FRMD4A: variants seen among roughly 807,000 people sequenced by gnomAD.
FRMD4A encodes FERM domain containing 4A.
Under a neutral mutation model 129.1 loss-of-function variants are expected in FRMD4A, and 29 were observed. The ratio of observed to expected loss-of-function variants is 0.22; its 90% CI spans 0.17 to 0.31. The LOEUF (loss-of-function observed/expected upper bound fraction) is 0.31. FRMD4A is among the 10% of genes least tolerant of loss of function. The pLI is 1.00. For synonymous variants in FRMD4A, 634 were observed against 571.6 expected (o/e 1.11, Z -1.56); for missense variants, 1,272 against 1,375.8 (o/e 0.92, Z 1.19).
At chr10:14,266,785 CTA>C (rs1469746916) in intron 2 of FRMD4A, among the ~76,000 whole-genome samples, 31 of 152,186 alleles carry the variant, frequency 2.0e-4, no homozygotes, top group Admixed American at 1.7e-3. Context: ...GTTAATTATA[CTA>C]TTATAAATTA....
chr10:13,699,651 AGGGGAACT>A (rs1482524136), intron 14 of FRMD4A, among the ~76,000 whole-genome samples: 1 of 152,106 alleles, frequency 6.6e-6, no homozygotes, highest in Non-Finnish European at 1.5e-5. Context: ...TCTGCCGTCA[AGGGGAACT>A]GGCAGTGGGG....
intron 3 of FRMD4A, among the ~76,000 whole-genome samples, chr10:13,826,394 T>A (rs1047017128): frequency 2.0e-5 from 3 of 152,210 alleles, no homozygotes; most frequent in Non-Finnish European, 4.4e-5. Flanking sequence ...CACAGCATAC[T>A]TTCTTATTCC....
intron 5 of FRMD4A, among the ~76,000 whole-genome samples, chr10:13,784,854 G>A (rs2092816286): frequency 6.6e-6 from 1 of 152,092 alleles, no homozygotes; most frequent in African/African-American, 2.4e-5. Flanking sequence ...AGCCAGGGGT[G>A]GGTGTGGGTG....
At chr10:14,302,958 G>A (rs1846232591) in intron 2 of FRMD4A, among the ~76,000 whole-genome samples, 1 of 152,136 alleles carries the variant, frequency 6.6e-6, no homozygotes, top group African/African-American at 2.4e-5. Context: ...TGATCTTGGA[G>A]GAGCAGTGGG....
At chr10:14,090,644 C>T (rs1422200760) in intron 2 of FRMD4A, among the ~76,000 whole-genome samples, 2 of 152,154 alleles carry the variant, frequency 1.3e-5, no homozygotes, top group Non-Finnish European at 2.9e-5. Context: ...AACCATACAG[C>T]AATGAGGCCT....
intron 2 of FRMD4A, among the ~76,000 whole-genome samples, chr10:13,994,732 A>T (rs2095616449): frequency 6.6e-6 from 1 of 152,244 alleles, no homozygotes; most frequent in African/African-American, 2.4e-5. Context: ...CTTAAATATA[A>T]GAACAACGCA....
At chr10:13,820,357 G>A (rs2093611144) in intron 3 of FRMD4A, among the ~76,000 whole-genome samples, 1 of 151,182 alleles carries the variant, frequency 6.6e-6, no homozygotes, top group Non-Finnish European at 1.5e-5. Context: ...ATTGACATTG[G>A]TGTTCTCTCT....
chr10:14,147,705 G>A (rs1003867106), intron 2 of FRMD4A, among the ~76,000 whole-genome samples: 2 of 152,106 alleles, frequency 1.3e-5, no homozygotes, highest in African/African-American at 4.8e-5. Context: ...CTGACAGGAG[G>A]TGGAGCTCAG....
At chr10:14,185,540 T>C (rs1018251879) in intron 2 of FRMD4A, among the ~76,000 whole-genome samples, 3 of 151,388 alleles carry the variant, frequency 2.0e-5, no homozygotes, top group Non-Finnish European at 2.9e-5. Context: ...TATGGAAACT[T>C]GAAACATAAA....
intron 2 of FRMD4A, among the ~76,000 whole-genome samples, chr10:14,117,081 C>G (rs1432795094): frequency 6.6e-6 from 1 of 152,212 alleles, no homozygotes; most frequent in Non-Finnish European, 1.5e-5. Context: ...ATGTCAGTGA[C>G]TGAGTACAGC....
At chr10:14,145,369 T>C (rs1426943408) in intron 2 of FRMD4A, among the ~76,000 whole-genome samples, 1 of 152,168 alleles carries the variant, frequency 6.6e-6, no homozygotes, top group Non-Finnish European at 1.5e-5. Context: ...TAAAACGAGT[T>C]CTATTTATAG....
chr10:13,928,276 T>C (rs1446945478), intron 2 of FRMD4A, among the ~76,000 whole-genome samples: 1 of 152,032 alleles, frequency 6.6e-6, no homozygotes, highest in African/African-American at 2.4e-5. Context: ...CTCACCTCGG[T>C]CTCCCAAAGT....
intron 12 of FRMD4A, among the ~76,000 whole-genome samples, chr10:13,723,625 C>T (rs888513784): frequency 6.6e-6 from 1 of 152,214 alleles, no homozygotes; most frequent in African/African-American, 2.4e-5. Flanking sequence ...AAAATATCTT[C>T]TGGTTAGATG....
At chr10:13,669,057 G>GATTTTTTTTTTTTTTTT (rs541360128) in intron 17 of FRMD4A, among the ~76,000 whole-genome samples, 2 of 97,460 alleles carry the variant, frequency 2.1e-5, no homozygotes, top group Non-Finnish European at 2.0e-5. Context: ...CTGAGCTTTA[G>GATTTTTTTTTTTTTTTT]TTTTTTTTTT....
intron 2 of FRMD4A, among the ~76,000 whole-genome samples, chr10:14,196,701 C>T (rs1842481687): frequency 6.6e-6 from 1 of 152,116 alleles, no homozygotes; most frequent in Non-Finnish European, 1.5e-5. Flanking sequence ...ATTAGAAATG[C>T]CATTCTTAAT....
chr10:14,327,732 A>G (rs542177871), intron 2 of FRMD4A, among the ~76,000 whole-genome samples: 1 of 152,176 alleles, frequency 6.6e-6, no homozygotes, highest in Non-Finnish European at 1.5e-5. Flanking sequence ...ATAGCACAAA[A>G]TCAGAACTGC....
intron 2 of FRMD4A, among the ~76,000 whole-genome samples, chr10:14,031,581 T>C (rs537835252): frequency 3.7e-4 from 56 of 152,232 alleles, no homozygotes; most frequent in Non-Finnish European, 7.1e-4. Context: ...TTAATGGCTC[T>C]TTCCCATCTG....
intron 2 of FRMD4A, among the ~76,000 whole-genome samples, chr10:13,869,318 C>T (rs990957752): frequency 2.0e-5 from 3 of 152,298 alleles, no homozygotes; most frequent in African/African-American, 4.8e-5. Context: ...CTCCTGAGGG[C>T]GTTATGGCAT....
rs556192567 is a variant in FRMD4A at position 14,316,524 on chromosome 10, A to AAAAAAAG, written c.45+13533_45+13534insCTTTTTT. On this transcript the variant is annotated intron_variant, in intron 2 of 24. Transcript: ENST00000357447. ...TGATAGCAGCAAAAAAAAAAAAAAA[A>AAAAAAAG]AAGAAGAAGAAGAAGAAGAAACCAG... Among the ~76,000 whole-genome samples the AAAAAAAG allele has an allele frequency of 8.4e-4, 112 of 132,624 alleles. 1 individual carries two copies. The highest frequency in any genetic ancestry group is 1.8e-3 in the South Asian group (7 of 3,990). 87.0% of individuals were successfully genotyped at this position (132,624 alleles called of 152,430 possible).
Sources: allele counts gnomAD v4.1 joint callset (sites outside exome capture counted in the v4.1 genomes callset), GRCh38; gene constraint gnomAD v4.1.1; transcripts MANE v1.5; gene names NCBI Gene and HGNC (gene_info 2026-07-23, HGNC 2026-07-21).